The following NDST3 variants were observed in gnomAD, a reference collection of about 807,000 sequenced individuals.
The protein encoded by NDST3 is bifunctional heparan sulfate N-deacetylase/N-sulfotransferase 3.
In NDST3, 58 loss-of-function variants were observed where a neutral mutation model predicts 96.1. The observed-to-expected ratio is 0.60, with a 90% confidence interval of 0.49 to 0.75. The LOEUF is 0.75. Among genes scored for constraint, NDST3 ranks in the 30% least tolerant of loss-of-function variants. The pLI is 0.00. For synonymous variants in NDST3, 333 were observed against 359.7 expected (o/e 0.93, Z 0.84); for missense variants, 788 against 1,034.2 (o/e 0.76, Z 3.27).
chr4:118,229,643 T>C lies in NDST3; in HGVS notation c.1819+2661T>C, dbSNP rs1017841121. 2.6e-5 allele frequency among the ~76,000 whole-genome samples: 4 copies of C among 152,296 alleles called. No homozygotes were observed. In the East Asian group the frequency reaches 7.7e-4, roughly 29 times the overall value. ...GTCTAATGCTGGTCATGAAAGGCTATTAAAAGTGAACAAATGTATTTAATA... is the reference window on the plus strand; with the variant it reads ...GTCTAATGCTGGTCATGAAAGGCTACTAAAAGTGAACAAATGTATTTAATA... On this transcript the variant is annotated intron_variant, in intron 8 of 13. Transcript: ENST00000296499.
At chr4:118,130,961 G>A (rs1732560375) in intron 4 of NDST3, among the ~76,000 whole-genome samples, 1 of 152,148 alleles carries the variant, frequency 6.6e-6, no homozygotes, top group Admixed American at 6.5e-5. Flanking sequence ...TCCATTGAAT[G>A]TTATTTGTTA....
chr4:118,227,607 C>CTTT (rs67330081), intron 8 of NDST3, among the ~76,000 whole-genome samples: 124 of 106,110 alleles, frequency 1.2e-3, no homozygotes, highest in African/African-American at 1.4e-3. Context: ...TCACCATAAA[C>CTTT]TTTTTTTTTT....
intron 6 of NDST3, among the ~76,000 whole-genome samples, chr4:118,149,722 C>G (rs1734241958): frequency 6.7e-6 from 1 of 149,536 alleles, no homozygotes; most frequent in South Asian, 2.1e-4. Flanking sequence ...TTGACTTCCT[C>G]TTTTCCTAAT....
chr4:118,125,983 C>T (rs1732026359), intron 4 of NDST3, among the ~76,000 whole-genome samples: 1 of 152,042 alleles, frequency 6.6e-6, no homozygotes, highest in Non-Finnish European at 1.5e-5. Context: ...ACTCTGCCAA[C>T]ATCCATACCA....
At chr4:118,173,546 A>G (rs796891107) in intron 6 of NDST3, among the ~76,000 whole-genome samples, 10 of 152,278 alleles carry the variant, frequency 6.6e-5, no homozygotes, top group African/African-American at 2.2e-4. Flanking sequence ...CAAAACAAAA[A>G]AACAAAAACA....
intron 6 of NDST3, among the ~76,000 whole-genome samples, chr4:118,201,995 T>C (rs1738119280): frequency 6.6e-6 from 1 of 152,196 alleles, no homozygotes; most frequent in African/African-American, 2.4e-5. Context: ...GTTTCATTCT[T>C]CTGCATACGG....
intron 6 of NDST3, among the ~76,000 whole-genome samples, chr4:118,209,531 T>A (rs1738653268): frequency 6.6e-6 from 1 of 152,228 alleles, no homozygotes; most frequent in Non-Finnish European, 1.5e-5. Flanking sequence ...ACCAATAGAA[T>A]TACTTTTGAC....
At chr4:118,247,814 G>A (rs1252420152) in intron 12 of NDST3, among the ~76,000 whole-genome samples, 1 of 152,112 alleles carries the variant, frequency 6.6e-6, no homozygotes, top group African/African-American at 2.4e-5. Context: ...AATCATAAAC[G>A]TGTTTGCCAA....
chr4:118,222,082 T>C (rs946159761), intron 6 of NDST3, among the ~76,000 whole-genome samples: 14 of 151,924 alleles, frequency 9.2e-5, no homozygotes, highest in African/African-American at 3.4e-4. Flanking sequence ...AATATCTGCT[T>C]CTCCTGAACT....
chr4:118,187,259 C>G (rs1000810854), intron 6 of NDST3, among the ~76,000 whole-genome samples: 1 of 152,220 alleles, frequency 6.6e-6, no homozygotes, highest in Admixed American at 6.5e-5. Context: ...TTTAGCATAA[C>G]TTTCACAAGA....
At chr4:118,178,100 A>G (rs1467674528) in intron 6 of NDST3, among the ~76,000 whole-genome samples, 1 of 152,012 alleles carries the variant, frequency 6.6e-6, no homozygotes, top group Non-Finnish European at 1.5e-5. Context: ...GTCCTTTTAA[A>G]AATTGTATTA....
chr4:118,226,672 C>G (rs1289343724), intron 7 of NDST3, among the ~76,000 whole-genome samples: 1 of 152,124 alleles, frequency 6.6e-6, no homozygotes, highest in Non-Finnish European at 1.5e-5. Flanking sequence ...TACTGCCTCT[C>G]TCCAGCCTGC....
At chr4:118,108,803 C>T (rs1730410536) in intron 3 of NDST3, among the ~76,000 whole-genome samples, 1 of 152,078 alleles carries the variant, frequency 6.6e-6, no homozygotes, top group African/African-American at 2.4e-5. Flanking sequence ...ATAACTTTAA[C>T]ATAAGAAGCG....
At position 118,114,959 on chromosome 4, in the gene NDST3, TAGTA is replaced by T. The variant is rs1730957651; in HGVS notation, c.1224+5_1224+8del. 6.2e-7 allele frequency: 1 copy of T among 1,613,918 alleles called. No homozygotes were observed. Among genetic ancestry groups the T allele is most frequent in the Non-Finnish European group, 8.5e-7 (1 of 1,179,908 alleles). On this transcript the variant is annotated splice_donor_variant and splice_donor_region_variant and coding_sequence_variant and intron_variant, in exon 4 of 14. Transcript: ENST00000296499. LOFTEE classifies it high-confidence loss of function. ...ATGATTCTCAACAAAAAATTTGCCT[TAGTA>T]AGTAACTCACTTTGTTGCATTGAAG... is the stretch of plus-strand genomic sequence containing the variant.
chr4:118,139,566 T>G (rs893880890), intron 5 of NDST3, among the ~76,000 whole-genome samples: 1 of 152,016 alleles, frequency 6.6e-6, no homozygotes, highest in Admixed American at 6.5e-5. Flanking sequence ...CAGGAGCCAA[T>G]ATGCCCTCCT....
intron 4 of NDST3, among the ~76,000 whole-genome samples, chr4:118,124,580 T>C (rs1731885269): frequency 1.3e-5 from 2 of 152,026 alleles, no homozygotes; most frequent in South Asian, 2.1e-4. Context: ...ATCTGTGTTC[T>C]CCTAAATCTG....
chr4:118,070,619 A>G (rs1029479571), intron 2 of NDST3, among the ~76,000 whole-genome samples: 1 of 149,308 alleles, frequency 6.7e-6, no homozygotes, highest in Non-Finnish European at 1.5e-5. Context: ...TATGTGTTCA[A>G]CCCTCAATTC....
At chr4:118,065,849 T>A (rs1039520362) in intron 2 of NDST3, among the ~76,000 whole-genome samples, 2 of 150,922 alleles carry the variant, frequency 1.3e-5, no homozygotes, top group African/African-American at 4.9e-5. Context: ...GGTGCAGTAA[T>A]GTACCTTTTT....
chr4:118,097,005 T>C (rs1729371303), intron 2 of NDST3, among the ~76,000 whole-genome samples: 1 of 151,950 alleles, frequency 6.6e-6, no homozygotes, highest in Non-Finnish European at 1.5e-5. Context: ...AAATAGTCAG[T>C]CTTTTTGTTC....
Sources: gnomAD v4.1 joint callset for allele counts (sites outside exome capture counted in the v4.1 genomes callset) on GRCh38, gnomAD v4.1.1 for gene constraint, MANE v1.5 for transcripts, NCBI Gene and HGNC (gene_info 2026-07-23, HGNC 2026-07-21) for gene names.